NRG3: variants seen among roughly 807,000 people sequenced by gnomAD.
NRG3 encodes neuregulin 3.
Under a neutral mutation model 66.9 loss-of-function variants are expected in NRG3, and 31 were observed. That is an observed-to-expected ratio of 0.46 (90% CI 0.35 to 0.63). NRG3 has a LOEUF of 0.63. NRG3 is among the 20% of genes least tolerant of loss of function. The pLI is 0.00. For missense variants in NRG3, 910 were observed against 878.9 expected (o/e 1.04, Z -0.45); for synonymous variants, 393 against 359.4 (o/e 1.09, Z -1.06).
chr10:82,321,307 T>C (rs58082117), intron 1 of NRG3, among the ~76,000 whole-genome samples: 2 of 121,228 alleles, frequency 1.6e-5, no homozygotes, highest in African/African-American at 5.7e-5. Flanking sequence ...GGGGTGGGGG[T>C]GGGGGTCAGG....
chr10:82,614,804 G>T (rs113713057), intron 2 of NRG3, among the ~76,000 whole-genome samples: 1 of 151,706 alleles, frequency 6.6e-6, no homozygotes, highest in African/African-American at 2.4e-5. Flanking sequence ...TCCAAAACCC[G>T]TAGAAGGGTT....
chr10:82,145,579 T>C (rs1385535846), intron 1 of NRG3, among the ~76,000 whole-genome samples: 2 of 152,216 alleles, frequency 1.3e-5, no homozygotes, highest in Non-Finnish European at 2.9e-5. Context: ...TAATCTCTTA[T>C]CACATGGGAA....
chr10:82,791,824 G>A (rs1440848566), intron 3 of NRG3, among the ~76,000 whole-genome samples: 1 of 152,110 alleles, frequency 6.6e-6, no homozygotes, highest in African/African-American at 2.4e-5. Flanking sequence ...CTTATGATAG[G>A]GCTTTCCTCC....
intron 1 of NRG3, among the ~76,000 whole-genome samples, chr10:81,928,948 A>G (rs1320783207): frequency 6.6e-6 from 1 of 152,116 alleles, no homozygotes; most frequent in Non-Finnish European, 1.5e-5. Context: ...GAGCCTTCCA[A>G]GTAGCTGGGG....
At chr10:82,471,275 C>A (rs1424888521) in intron 2 of NRG3, among the ~76,000 whole-genome samples, 2 of 152,092 alleles carry the variant, frequency 1.3e-5, no homozygotes, top group African/African-American at 4.8e-5. Flanking sequence ...AGAGGCCAGG[C>A]GCCTCTCCCC....
At chr10:82,243,984 A>T (rs1366740940) in intron 1 of NRG3, among the ~76,000 whole-genome samples, 1 of 152,158 alleles carries the variant, frequency 6.6e-6, no homozygotes, top group African/African-American at 2.4e-5. Flanking sequence ...GTTAATTATG[A>T]TGCTATACTT....
intron 8 of NRG3, among the ~76,000 whole-genome samples, chr10:82,984,209 C>T (rs936210450): frequency 5.3e-5 from 8 of 152,156 alleles, no homozygotes; most frequent in African/African-American, 1.9e-4. Context: ...CGTACCTGTC[C>T]CATTTTCTGT....
chr10:82,626,475 T>C (rs903192026), intron 2 of NRG3, among the ~76,000 whole-genome samples: 4 of 152,108 alleles, frequency 2.6e-5, no homozygotes, highest in African/African-American at 9.7e-5. Context: ...ACCCACATAT[T>C]GTGTCATTAT....
intron 1 of NRG3, among the ~76,000 whole-genome samples, chr10:82,201,395 T>C (rs1321401136): frequency 6.6e-6 from 1 of 152,038 alleles, no homozygotes; most frequent in Non-Finnish European, 1.5e-5. Flanking sequence ...AGGGGTTACA[T>C]AGTGAGTTAT....
rs370680273 is a variant in NRG3 at position 82,127,956 on chromosome 10, G to C, written c.824-230783G>C. Among the ~76,000 whole-genome samples, 43 of 152,008 alleles carry C rather than the reference G, an allele frequency of 2.8e-4. 1 individual carries two copies. In the East Asian group the frequency reaches 4.9e-3, roughly 17 times the overall value. On this transcript the variant is annotated intron_variant, in intron 1 of 8. Coordinates refer to ENST00000372141, the MANE Select transcript of NRG3 (RefSeq NM_001010848.4). Reference sequence around the variant, plus strand: ...TACCTCATTTTCAAATCATGGAGTGGTTCAGTTTGGAAAAGCCTCAAAGAT... The same window carrying C: ...TACCTCATTTTCAAATCATGGAGTGCTTCAGTTTGGAAAAGCCTCAAAGAT...
At chr10:81,936,285 A>G (rs937062768) in intron 1 of NRG3, among the ~76,000 whole-genome samples, 1 of 152,180 alleles carries the variant, frequency 6.6e-6, no homozygotes, top group Non-Finnish European at 1.5e-5. Flanking sequence ...TCTGAGTTTG[A>G]AAAGAGTATG....
intron 4 of NRG3, among the ~76,000 whole-genome samples, chr10:82,921,904 C>G (rs761686909): frequency 1.7e-4 from 26 of 152,124 alleles, no homozygotes; most frequent in Non-Finnish European, 8.8e-5. Flanking sequence ...AAGGAATGAT[C>G]AAATGATCTG....
chr10:82,243,977 A>C (rs1004597729), intron 1 of NRG3, among the ~76,000 whole-genome samples: 3 of 152,158 alleles, frequency 2.0e-5, no homozygotes, highest in Admixed American at 6.5e-5. Flanking sequence ...TTTAAATGTT[A>C]ATTATGATGC....
chr10:82,053,332 C>T (rs981836955), intron 1 of NRG3, among the ~76,000 whole-genome samples: 2 of 151,974 alleles, frequency 1.3e-5, no homozygotes, highest in Non-Finnish European at 2.9e-5. Flanking sequence ...TTGTGGGAGT[C>T]GATGGTTGGA....
chr10:82,877,279 C>T (rs1841908392), intron 4 of NRG3, among the ~76,000 whole-genome samples: 2 of 151,854 alleles, frequency 1.3e-5, no homozygotes, highest in African/African-American at 4.8e-5. Flanking sequence ...GTGTTGAGCC[C>T]CTGTGAGAGC....
At chr10:82,713,986 G>A (rs1403437212) in intron 2 of NRG3, among the ~76,000 whole-genome samples, 1 of 152,044 alleles carries the variant, frequency 6.6e-6, no homozygotes, top group Admixed American at 6.5e-5. Context: ...TGGTTGTCAT[G>A]GTATGCTGAA....
chr10:81,972,973 A>G (rs2059985146), intron 1 of NRG3, among the ~76,000 whole-genome samples: 1 of 152,182 alleles, frequency 6.6e-6, no homozygotes, highest in Admixed American at 6.5e-5. Context: ...TTACATAGGT[A>G]AACTTGTGTC....
chr10:82,038,046 A>G (rs2062869859), intron 1 of NRG3, among the ~76,000 whole-genome samples: 1 of 151,802 alleles, frequency 6.6e-6, no homozygotes, highest in Non-Finnish European at 1.5e-5. Flanking sequence ...TGCTTTTGAA[A>G]TTAGTAATCT....
chr10:82,302,894 A>G (rs557817420), intron 1 of NRG3, among the ~76,000 whole-genome samples: 2 of 152,256 alleles, frequency 1.3e-5, no homozygotes, highest in South Asian at 2.1e-4. Context: ...GCTTAAGGCA[A>G]TGTATTCTTA....
Sources: gnomAD v4.1 joint callset for allele counts (sites outside exome capture counted in the v4.1 genomes callset) on GRCh38, gnomAD v4.1.1 for gene constraint, MANE v1.5 for transcripts, NCBI Gene and HGNC (gene_info 2026-07-23, HGNC 2026-07-21) for gene names.